CEP112: variants seen among roughly 807,000 people sequenced by gnomAD.
CEP112 encodes centrosomal protein 112, also known as centrosomal protein of 112 kDa.
CEP112 carries 127 observed loss-of-function variants against 153.0 expected under a neutral mutation model. The observed-to-expected ratio is 0.83, with a 90% CI of 0.72 to 0.96. CEP112 has a LOEUF of 0.96. Among genes scored for constraint, CEP112 ranks in the 40% least tolerant of loss-of-function variants. The pLI is 0.00. For missense variants in CEP112, 1,089 were observed against 1,101.2 expected (o/e 0.99, Z 0.16); for synonymous variants, 358 against 374.4 (o/e 0.96, Z 0.51).
At chr17:65,809,272 G>A (rs1315082989) in intron 21 of CEP112, among the ~76,000 whole-genome samples, 1 of 152,200 alleles carries the variant, frequency 6.6e-6, no homozygotes, top group African/African-American at 2.4e-5. Flanking sequence ...AGGAGTAGGG[G>A]ATAAGCTGAA....
intron 24 of CEP112, chr17:65,654,788 A>T (rs2045972728): frequency 2.7e-6 from 1 of 375,868 alleles, no homozygotes; most frequent in Non-Finnish European, 5.1e-6. Flanking sequence ...GAAAATGGAT[A>T]ACATAGTCAA....
intron 20 of CEP112, among the ~76,000 whole-genome samples, chr17:65,876,458 T>C (rs2058829441): frequency 1.3e-5 from 2 of 152,256 alleles, no homozygotes; most frequent in Admixed American, 6.5e-5. Context: ...TGTTCCTACA[T>C]AGAGGACCTG....
chr17:65,779,810 C>T lies in CEP112; in HGVS notation c.2395-29086G>A, dbSNP rs544107336. Among the ~76,000 whole-genome samples the T allele has an allele frequency of 4.6e-5, 7 of 152,146 alleles. No individual in the cohort carries two copies. In the South Asian group the frequency reaches 6.2e-4, roughly 14 times the overall value. On this transcript the variant is annotated intron_variant, in intron 21 of 26. Coordinates refer to ENST00000535342, the MANE Select transcript of CEP112 (RefSeq NM_001199165.4). ...TTATTAAAGAAGGAATAAACAAGACCGTTTTTGAGAAGTGTTGTAGTGTAT... is the reference window on the plus strand; with the variant it reads ...TTATTAAAGAAGGAATAAACAAGACTGTTTTTGAGAAGTGTTGTAGTGTAT...
chr17:65,804,838 T>C (rs921694603), intron 21 of CEP112, among the ~76,000 whole-genome samples: 3 of 152,048 alleles, frequency 2.0e-5, no homozygotes, highest in Non-Finnish European at 4.4e-5. Flanking sequence ...ACAGTCCATC[T>C]AGCAAAGGAC....
At chr17:66,064,909 G>A (rs2067057776) in intron 10 of CEP112, among the ~76,000 whole-genome samples, 1 of 152,106 alleles carries the variant, frequency 6.6e-6, no homozygotes, top group Non-Finnish European at 1.5e-5. Context: ...ACATTTAAGG[G>A]TGGAAATGAA....
intron 25 of CEP112, among the ~76,000 whole-genome samples, chr17:65,639,836 C>CTTT (rs554226605): frequency 5.7e-4 from 63 of 110,944 alleles, no homozygotes; most frequent in Non-Finnish European, 6.2e-4. Context: ...CTCTTTCTTT[C>CTTT]TTTTTTTTTT....
intron 11 of CEP112, among the ~76,000 whole-genome samples, chr17:66,054,507 C>A (rs113910698): frequency 6.6e-6 from 1 of 152,130 alleles, no homozygotes; most frequent in Admixed American, 6.5e-5. Flanking sequence ...AATGGATGAG[C>A]TTTTAAAATT....
intron 21 of CEP112, among the ~76,000 whole-genome samples, chr17:65,822,286 C>G (rs2056629849): frequency 6.6e-6 from 1 of 151,956 alleles, no homozygotes; most frequent in African/African-American, 2.4e-5. Flanking sequence ...TAGGACACAA[C>G]AAAGTACAGT....
At chr17:65,659,228 A>T (rs2046224853) in intron 24 of CEP112, among the ~76,000 whole-genome samples, 1 of 152,202 alleles carries the variant, frequency 6.6e-6, no homozygotes, top group African/African-American at 2.4e-5. Flanking sequence ...TAAAAGATCC[A>T]CATCTAACCT....
intron 18 of CEP112, among the ~76,000 whole-genome samples, chr17:65,948,979 G>A (rs1018144607): frequency 3.0e-4 from 46 of 152,066 alleles, no homozygotes; most frequent in African/African-American, 9.6e-4. Context: ...AGAGAAAAGC[G>A]GTTCAAAACA....
At chr17:65,971,915 CA>C (rs2062854056) in intron 17 of CEP112, among the ~76,000 whole-genome samples, 1 of 152,108 alleles carries the variant, frequency 6.6e-6, no homozygotes, top group Non-Finnish European at 1.5e-5. Flanking sequence ...TATTGAAATG[CA>C]GGGGTGAATA....
Position 65,887,302 on chromosome 17 carries a change from G to A in CEP112, c.2163+14850C>T, listed in dbSNP as rs116787828. Among the ~76,000 whole-genome samples, 841 of 152,270 alleles carry A rather than the reference G, an allele frequency of 5.5e-3. 7 individuals are homozygous for A. The highest frequency in any genetic ancestry group is 0.02 in the African/African-American group (811 of 41,552). ...ATAAGTGCCTCCTCCCAGAAAGCAT[G>A]TGAAGGTGTCTAGCACGTAATATTG... is the stretch of plus-strand genomic sequence containing the variant. On this transcript the variant is annotated intron_variant, in intron 20 of 26. Transcript: ENST00000535342.
intron 6 of CEP112, among the ~76,000 whole-genome samples, chr17:66,104,750 G>C (rs1224344553): frequency 6.6e-6 from 1 of 152,128 alleles, no homozygotes; most frequent in Non-Finnish European, 1.5e-5. Flanking sequence ...AAATGTAACA[G>C]GCCAAAAGAG....
intron 8 of CEP112, among the ~76,000 whole-genome samples, chr17:66,095,076 A>G (rs943235098): frequency 1.3e-5 from 2 of 152,182 alleles, no homozygotes; most frequent in East Asian, 3.9e-4. Flanking sequence ...GCCATTATAG[A>G]AAAACAGTAC....
At chr17:66,120,586 T>C (rs1199428465) in intron 6 of CEP112, among the ~76,000 whole-genome samples, 2 of 152,230 alleles carry the variant, frequency 1.3e-5, no homozygotes, top group Non-Finnish European at 2.9e-5. Flanking sequence ...AGTGAATTTT[T>C]GGTAGTTTGT....
intron 24 of CEP112, among the ~76,000 whole-genome samples, chr17:65,682,991 C>A (rs2047606251): frequency 6.6e-6 from 1 of 152,188 alleles, no homozygotes; most frequent in Non-Finnish European, 1.5e-5. Context: ...ATCCATTATC[C>A]AGAAAGGTTG....
At chr17:66,183,390 T>A (rs111614581) in intron 1 of CEP112, 83 bp from the exon 2 acceptor site, 36,731 of 937,884 alleles carry the variant, frequency 0.039, 896 homozygotes, top group South Asian at 0.059. Flanking sequence ...AAAAAAACTC[T>A]TAAGTGTTAG....
At chr17:65,714,089 T>C (rs1028747268) in intron 23 of CEP112, among the ~76,000 whole-genome samples, 3 of 152,194 alleles carry the variant, frequency 2.0e-5, no homozygotes, top group Non-Finnish European at 4.4e-5. Context: ...GCAAGTATCC[T>C]CTACCTTCCC....
intron 23 of CEP112, among the ~76,000 whole-genome samples, chr17:65,696,315 C>T (rs530798373): frequency 1.3e-5 from 2 of 152,270 alleles, no homozygotes; most frequent in African/African-American, 2.4e-5. Context: ...CTGGGCCTGC[C>T]CTGCATGATG....
Sources: gnomAD v4.1 joint callset for allele counts (sites outside exome capture counted in the v4.1 genomes callset) on GRCh38, gnomAD v4.1.1 for gene constraint, MANE v1.5 for transcripts, NCBI Gene and HGNC (gene_info 2026-07-23, HGNC 2026-07-21) for gene names.